The following ARHGAP6 variants were observed in gnomAD, a reference collection of about 807,000 sequenced individuals.
ARHGAP6 encodes the protein rho GTPase-activating protein 6.
In ARHGAP6, 16 loss-of-function variants were observed where a neutral mutation model predicts 55.7. The ratio of observed to expected loss-of-function variants is 0.29; its 90% CI spans 0.19 to 0.44. ARHGAP6 has a LOEUF of 0.44. ARHGAP6 is among the 20% of genes least tolerant of loss of function. The probability of loss-of-function intolerance (pLI) is 1.00; values close to 1 mark genes in which losing one functional copy is unlikely to be tolerated. For missense variants in ARHGAP6, 698 were observed against 808.9 expected, an observed-to-expected ratio of 0.86 and a Z score of 1.66; for synonymous variants, 382 against 360.9, an observed-to-expected ratio of 1.06 and a Z score of -0.66.
At chrX:11,393,060 T>C (rs898766860) in intron 1 of ARHGAP6, among the ~76,000 whole-genome samples, 2 of 111,527 alleles carry the variant, frequency 1.8e-5, no homozygotes, top group Admixed American at 9.6e-5. Flanking sequence ...TTTGTATTAC[T>C]GAGTATTTAT....
chrX:11,288,769 A>G (rs1434324369), intron 1 of ARHGAP6, among the ~76,000 whole-genome samples: 1 of 111,983 alleles, frequency 8.9e-6, no homozygotes, highest in East Asian at 2.8e-4. Context: ...GTATTTTATG[A>G]CTGGCTTCCT....
At chrX:11,294,884 C>G in intron 1 of ARHGAP6, 1 of 1,180,488 alleles carries the variant, frequency 8.5e-7, no homozygotes, top group Non-Finnish European at 1.2e-6. Context: ...TCCAATTTCA[C>G]AAACTTGGAC....
chrX:11,606,883 GT>G (rs1024094907), intron 1 of ARHGAP6, among the ~76,000 whole-genome samples: 2 of 111,867 alleles, frequency 1.8e-5, no homozygotes, highest in Non-Finnish European at 3.8e-5. Context: ...TCAAAATGTA[GT>G]GATTACAAAT....
chrX:11,194,998 A>G (rs1048774198), intron 3 of ARHGAP6, among the ~76,000 whole-genome samples: 2 of 112,335 alleles, frequency 1.8e-5, no homozygotes, highest in African/African-American at 6.5e-5. Flanking sequence ...TGACTGTGTC[A>G]CATAAAGTGA....
chrX:11,303,954 C>T (rs978832854), intron 1 of ARHGAP6, among the ~76,000 whole-genome samples: 2 of 112,105 alleles, frequency 1.8e-5, no homozygotes, highest in Admixed American at 9.4e-5. Flanking sequence ...AGCTACAGTT[C>T]TTGTAATCAG....
At chrX:11,647,869 C>A in intron 1 of ARHGAP6, among the ~76,000 whole-genome samples, 1 of 111,868 alleles carries the variant, frequency 8.9e-6, no homozygotes, top group Non-Finnish European at 1.9e-5. Context: ...CTGACCAATA[C>A]TTTTCAAAAG....
intron 1 of ARHGAP6, among the ~76,000 whole-genome samples, chrX:11,627,283 T>C (rs1033462951): frequency 5.4e-5 from 6 of 111,417 alleles, no homozygotes; most frequent in African/African-American, 1.3e-4. Context: ...TCCAACATGA[T>C]TAATCAGGAA....
At chrX:11,608,973 G>A (rs185147478) in intron 1 of ARHGAP6, among the ~76,000 whole-genome samples, 1 of 111,691 alleles carries the variant, frequency 9.0e-6, no homozygotes, top group Non-Finnish European at 1.9e-5. Context: ...TGGGGCACCA[G>A]GAATGGCAGA....
At chrX:11,628,508 C>T (rs1359010773) in intron 1 of ARHGAP6, among the ~76,000 whole-genome samples, 1 of 112,783 alleles carries the variant, frequency 8.9e-6, no homozygotes, top group African/African-American at 3.2e-5. Flanking sequence ...TTTAAAACAG[C>T]TATATTCTCT....
chrX:11,336,242 A>G (rs1037637050), intron 1 of ARHGAP6, among the ~76,000 whole-genome samples: 1 of 111,471 alleles, frequency 9.0e-6, no homozygotes, highest in Non-Finnish European at 1.9e-5. Context: ...TAATTATTGG[A>G]ATCTAGTCTC....
chrX:11,519,316 T>A (rs1365419589), intron 1 of ARHGAP6, among the ~76,000 whole-genome samples: 1 of 110,042 alleles, frequency 9.1e-6, no homozygotes, highest in Non-Finnish European at 1.9e-5. Context: ...GACTTTTTAA[T>A]GACTGCCATT....
At chrX:11,659,506 GAAT>G (rs2052673341) in intron 1 of ARHGAP6, among the ~76,000 whole-genome samples, 1 of 111,489 alleles carries the variant, frequency 9.0e-6, no homozygotes, top group Non-Finnish European at 1.9e-5. Flanking sequence ...GTGGTAGACA[GAAT>G]AATATACCAC....
chrX:11,269,625 A>G (rs112048454), intron 1 of ARHGAP6, among the ~76,000 whole-genome samples: 4,812 of 110,886 alleles, frequency 0.043, 69 homozygotes, highest in Middle Eastern at 0.083. Context: ...TTTTAAGACT[A>G]TATATAAAAA....
chrX:11,625,286 AGTGTGT>A (rs56128798), intron 1 of ARHGAP6, among the ~76,000 whole-genome samples: 1 of 98,022 alleles, frequency 1.0e-5, no homozygotes, highest in Non-Finnish European at 2.1e-5. Flanking sequence ...GAAAATGTGG[AGTGTGT>A]GTGTGTGTGT....
intron 1 of ARHGAP6, among the ~76,000 whole-genome samples, chrX:11,626,714 A>C (rs1003876529): frequency 3.6e-5 from 4 of 111,905 alleles, no homozygotes; most frequent in African/African-American, 1.3e-4. Flanking sequence ...TCTTAACAAA[A>C]ATTAAAGAAC....
chrX:11,394,174 A>T (rs1327524985), intron 1 of ARHGAP6, among the ~76,000 whole-genome samples: 2 of 112,081 alleles, frequency 1.8e-5, no homozygotes, highest in Admixed American at 9.5e-5. Flanking sequence ...GTCCTACACC[A>T]ACCTCACATA....
intron 1 of ARHGAP6, among the ~76,000 whole-genome samples, chrX:11,312,068 T>C (rs1490448853): frequency 5.4e-5 from 6 of 112,036 alleles, no homozygotes. Flanking sequence ...TGTTTAAATG[T>C]CAATTTAAAT....
chrX:11,275,811 C>T, intron 1 of ARHGAP6, among the ~76,000 whole-genome samples: 1 of 111,493 alleles, frequency 9.0e-6, no homozygotes, highest in Non-Finnish European at 1.9e-5. Flanking sequence ...GAGGGGTGCT[C>T]TCAGCCCAAA....
chrX:11,439,999 C>T (rs1436907286), intron 1 of ARHGAP6, among the ~76,000 whole-genome samples: 1 of 112,806 alleles, frequency 8.9e-6, no homozygotes, highest in African/African-American at 3.2e-5. Flanking sequence ...TTTAATCCTA[C>T]ATTTGGACAC....
Sources: gnomAD v4.1 joint callset for allele counts (sites outside exome capture counted in the v4.1 genomes callset) on GRCh38, gnomAD v4.1.1 for gene constraint, MANE v1.5 for transcripts, NCBI Gene and HGNC (gene_info 2026-07-23, HGNC 2026-07-21) for gene names.